Variants in TRERF1 observed in about 807,000 individuals in gnomAD.
The protein encoded by TRERF1 is transcriptional-regulating factor 1.
A neutral mutation model predicts 122.9 loss-of-function variants in TRERF1; 27 were observed. The observed-to-expected ratio is 0.22, with a 90% CI of 0.16 to 0.30. The LOEUF (loss-of-function observed/expected upper bound fraction) is 0.30, where lower values mean the gene tolerates loss of function less well. Among genes scored for constraint, TRERF1 ranks in the 10% least tolerant of loss-of-function variants. The probability of loss-of-function intolerance (pLI) is 1.00; values close to 1 mark genes in which losing one functional copy is unlikely to be tolerated. For missense variants in TRERF1, 1,248 were observed against 1,560.3 expected (o/e 0.80, Z 3.37); for synonymous variants, 636 against 641.7 (o/e 0.99, Z 0.13).
chr6:42,295,630 A>G (rs997212103), intron 4 of TRERF1, among the ~76,000 whole-genome samples: 6 of 152,200 alleles, frequency 3.9e-5, no homozygotes, highest in Non-Finnish European at 8.8e-5. Flanking sequence ...CTCCCTGACC[A>G]TTGAAGGGCA....
intron 2 of TRERF1, among the ~76,000 whole-genome samples, chr6:42,436,994 G>A (rs1785565555): frequency 6.6e-6 from 1 of 151,958 alleles, no homozygotes; most frequent in Non-Finnish European, 1.5e-5. Flanking sequence ...AAAGGCTGAT[G>A]AGCCTGATCC....
At chr6:42,365,844 G>A (rs781474394) in intron 2 of TRERF1, among the ~76,000 whole-genome samples, 15 of 152,204 alleles carry the variant, frequency 9.9e-5, no homozygotes, top group Non-Finnish European at 1.8e-4. Flanking sequence ...TTCACAAATC[G>A]AGACGGATCT....
At chr6:42,341,040 G>A in intron 3 of TRERF1, among the ~76,000 whole-genome samples, 1 of 152,190 alleles carries the variant, frequency 6.6e-6, no homozygotes, top group East Asian at 1.9e-4. Context: ...GTGTACAGTG[G>A]AGAACACAGC....
chr6:42,279,049 T>C (rs566674899), intron 4 of TRERF1, among the ~76,000 whole-genome samples: 1 of 152,240 alleles, frequency 6.6e-6, no homozygotes, highest in East Asian at 1.9e-4. Flanking sequence ...AGGAGGAGGC[T>C]TCCAAAGGAC....
Position 42,304,228 on chromosome 6 carries a change from C to T in TRERF1, c.-370-3479G>A, listed in dbSNP as rs76430548. Among the ~76,000 whole-genome samples, 989 of 152,358 alleles carry T rather than the reference C, an allele frequency of 6.5e-3. 7 individuals are homozygous for T. Among genetic ancestry groups the T allele is most frequent in the Non-Finnish European group, 0.011 (742 of 68,024 alleles). On this transcript the variant is annotated intron_variant, in intron 3 of 17. Coordinates refer to ENST00000372922, the Ensembl canonical transcript of TRERF1. ...CTGGAGAAGCCTCACGGGGGTGTTA[C>T]TTTCTAAGAAAGGTCATGCAATTTC...
intron 2 of TRERF1, among the ~76,000 whole-genome samples, chr6:42,399,768 G>T (rs577792280): frequency 3.9e-5 from 6 of 152,302 alleles, no homozygotes; most frequent in South Asian, 4.1e-4. Context: ...GACTAGAACT[G>T]TGGCATTCTG....
At chr6:42,327,994 TTC>T (rs1764587468) in intron 3 of TRERF1, among the ~76,000 whole-genome samples, 1 of 126,654 alleles carries the variant, frequency 7.9e-6, no homozygotes, top group Non-Finnish European at 1.6e-5. Context: ...AATTTTCTTT[TTC>T]TTTCTTTCTT....
In TRERF1 at chr6:42,269,970, G is replaced by C; in HGVS notation, c.-258-122C>G. 5.4e-6 allele frequency: 1 copy of C among 186,232 alleles called. No homozygotes were observed. The allele number at this position is 186,232 out of a possible 1,614,324, so 11.5% of individuals were successfully genotyped here. On this transcript the variant is annotated intron_variant, in intron 4 of 17. Coordinates refer to ENST00000372922, the Ensembl canonical transcript of TRERF1. The surrounding 1 kb of genome is among the most constrained non-coding windows in gnomAD (Gnocchi z 4.9). ...TAATCCCAGCTACCTGGGAGGCTGAGACATGAAGTTCATTTGAGACCAGCC... is the reference window on the plus strand; with the variant it reads ...TAATCCCAGCTACCTGGGAGGCTGACACATGAAGTTCATTTGAGACCAGCC...
intron 4 of TRERF1, among the ~76,000 whole-genome samples, chr6:42,270,537 C>T (rs536951403): frequency 3.8e-4 from 58 of 152,142 alleles, no homozygotes; most frequent in African/African-American, 1.1e-3. Context: ...AGGCACAATG[C>T]GGAGAAATGA....
Position 42,263,629 on chromosome 6 carries a change from C to A in TRERF1, c.1636-61G>T, listed in dbSNP as rs953744107. The A allele has an allele frequency of 2.1e-6, 3 of 1,412,024 alleles. No homozygotes were observed. In the African/African-American group the frequency reaches 4.4e-5, roughly 20 times the overall value. The allele number at this position is 1,412,024 out of a possible 1,614,324, so 87.5% of individuals were successfully genotyped here. ...GAGCAGCTCTCACAAGGGGGATGCA[C>A]TTTGCTTTTCCCGAAAGGTTCCAGG... On this transcript the variant is annotated intron_variant, in intron 7 of 17. Transcript: ENST00000372922. This position sits in a 1 kb window ranked among gnomAD's most constrained non-coding sequence, Gnocchi z 5.6.
At chr6:42,238,834 T>TACACACAC (rs1561800049) in intron 15 of TRERF1, among the ~76,000 whole-genome samples, 14 of 69,526 alleles carry the variant, frequency 2.0e-4, no homozygotes, top group African/African-American at 6.2e-4. Context: ...AATCATGCAT[T>TACACACAC]TCACACACAC....
intron 3 of TRERF1, among the ~76,000 whole-genome samples, chr6:42,348,064 G>A (rs1234958650): frequency 6.6e-6 from 1 of 152,126 alleles, no homozygotes; most frequent in East Asian, 1.9e-4. Flanking sequence ...CTTCACAAAT[G>A]TGAGTTACAC....
At chr6:42,302,295 A>T (rs1318800417) in intron 3 of TRERF1, among the ~76,000 whole-genome samples, 1 of 152,230 alleles carries the variant, frequency 6.6e-6, no homozygotes, top group Non-Finnish European at 1.5e-5. Context: ...CTCCAAAAAA[A>T]ACCTTTAACT....
At chr6:42,402,807 A>G (rs907940905) in intron 2 of TRERF1, among the ~76,000 whole-genome samples, 2 of 152,180 alleles carry the variant, frequency 1.3e-5, no homozygotes, top group African/African-American at 4.8e-5. Context: ...AGTCCGGACT[A>G]GCTGCTTTAC....
chr6:42,387,458 C>T (rs937152476), intron 2 of TRERF1, among the ~76,000 whole-genome samples: 3 of 152,214 alleles, frequency 2.0e-5, no homozygotes, highest in Non-Finnish European at 4.4e-5. Flanking sequence ...TATTAAGTTA[C>T]CCCCCATTTC....
intron 13 of TRERF1, among the ~76,000 whole-genome samples, chr6:42,249,885 G>A (rs1237584741): frequency 6.6e-6 from 1 of 152,208 alleles, no homozygotes; most frequent in East Asian, 1.9e-4. Flanking sequence ...CACACTAGAG[G>A]TGGCTTCCTG....
chr6:42,339,248 C>G (rs1297383246), intron 3 of TRERF1, among the ~76,000 whole-genome samples: 3 of 152,232 alleles, frequency 2.0e-5, no homozygotes, highest in Non-Finnish European at 4.4e-5. Flanking sequence ...CTGCTACTTA[C>G]AGCCAAAAGC....
At chr6:42,297,083 T>C (rs1785234561) in intron 4 of TRERF1, among the ~76,000 whole-genome samples, 1 of 152,160 alleles carries the variant, frequency 6.6e-6, no homozygotes, top group Non-Finnish European at 1.5e-5. Context: ...GAGAGGGACA[T>C]ATTCTCTCCC....
At chr6:42,278,380 A>G (rs1781683754) in intron 4 of TRERF1, among the ~76,000 whole-genome samples, 1 of 152,232 alleles carries the variant, frequency 6.6e-6, no homozygotes, top group Non-Finnish European at 1.5e-5. Context: ...ACTAGAATGG[A>G]ACAAACTCCA....
Sources: gnomAD v4.1 joint callset for allele counts (sites outside exome capture counted in the v4.1 genomes callset) on GRCh38, gnomAD v4.1.1 for gene constraint, Gnocchi (gnomAD v3.1) non-coding constraint, MANE v1.5 for transcripts, NCBI Gene and HGNC (gene_info 2026-07-23, HGNC 2026-07-21) for gene names.